The following STRBP variants were observed in gnomAD, a reference collection of about 807,000 sequenced individuals.
STRBP encodes spermatid perinuclear RNA binding protein, also known as spermatid perinuclear RNA-binding protein.
Under a neutral mutation model 80.1 loss-of-function variants are expected in STRBP, and 13 were observed. That is an observed-to-expected ratio of 0.16 (90% CI 0.11 to 0.26). The LOEUF is 0.26. STRBP is among the 10% of genes least tolerant of loss of function. STRBP has a pLI of 1.00. For synonymous variants in STRBP, 284 were observed against 291.2 expected (o/e 0.98, Z 0.25); for missense variants, 485 against 815.2 (o/e 0.59, Z 4.93).
At position 123,123,252 on chromosome 9, in the gene STRBP, T is replaced by G; in HGVS notation, c.*2345A>C. On this transcript the variant is annotated 3_prime_UTR_variant, in exon 19 of 19. Transcript: ENST00000348403. Reference sequence around the variant, plus strand: ...AAGAGCAGAGAAGCAAAACTTCATGTTAATCTCAGGCAATTTGGTGAAGCC... The same window carrying G: ...AAGAGCAGAGAAGCAAAACTTCATGGTAATCTCAGGCAATTTGGTGAAGCC... The G allele has an allele frequency of 1.0e-6, 1 of 985,436 alleles. No homozygotes were observed. Among genetic ancestry groups the G allele is most frequent in the Non-Finnish European group, 1.2e-6 (1 of 829,932 alleles). The allele number at this position is 985,436 out of a possible 1,614,324, so 61.0% of individuals were successfully genotyped here. A position where few individuals can be genotyped will look rare whatever the true frequency, so the allele number is the denominator to read the frequency against.
intron 1 of STRBP, among the ~76,000 whole-genome samples, chr9:123,246,484 T>C: frequency 6.6e-6 from 1 of 152,222 alleles, no homozygotes; most frequent in Non-Finnish European, 1.5e-5. Flanking sequence ...TAATGTAGTT[T>C]TTGGTTTTTA....
At chr9:123,145,325 C>A (rs1329188039) in intron 13 of STRBP, among the ~76,000 whole-genome samples, 1 of 152,146 alleles carries the variant, frequency 6.6e-6, no homozygotes, top group Non-Finnish European at 1.5e-5. Flanking sequence ...CAACCAAGTT[C>A]CATTATATCA....
In STRBP at chr9:123,147,873, A is replaced by T; in HGVS notation, c.1046-3T>A. On this transcript the variant is annotated splice_region_variant and splice_polypyrimidine_tract_variant and intron_variant, in intron 11 of 18. Transcript: ENST00000348403. ...CTTTAGAGCTGAAGACCCAGCACCT[A>T]AAAAAAATTATGAGGGATTCATTAT... 3 of 1,576,984 alleles carry T rather than the reference A, an allele frequency of 1.9e-6. No homozygotes were observed. Among genetic ancestry groups the T allele is most frequent in the Non-Finnish European group, 2.6e-6 (3 of 1,155,972 alleles).
At chr9:123,199,068 C>T (rs951993849) in intron 2 of STRBP, among the ~76,000 whole-genome samples, 2 of 152,184 alleles carry the variant, frequency 1.3e-5, no homozygotes, top group Non-Finnish European at 2.9e-5. Flanking sequence ...CCTCAGCCTC[C>T]CGAGTAGCTG....
In STRBP at chr9:123,173,850, T is replaced by G. The variant is rs1352744162; in HGVS notation, c.225-8A>C. ...GTCCGACCACCTTGATCCCTAAAAATAAAAGTCTGCATGATTACTTTCACA... is the reference window on the plus strand; with the variant it reads ...GTCCGACCACCTTGATCCCTAAAAAGAAAAGTCTGCATGATTACTTTCACA... On this transcript the variant is annotated splice_polypyrimidine_tract_variant and splice_region_variant and intron_variant, in intron 4 of 18. Transcript: ENST00000348403. 2 of 1,587,080 alleles carry G rather than the reference T, an allele frequency of 1.3e-6. No individual in the cohort carries two copies. Among genetic ancestry groups the G allele is most frequent in the Non-Finnish European group, 1.7e-6 (2 of 1,171,226 alleles).
At chr9:123,160,323 G>T in intron 8 of STRBP, 44 bp downstream of exon 8, 1 of 1,418,384 alleles carries the variant, frequency 7.1e-7, no homozygotes, top group Non-Finnish European at 9.6e-7. Context: ...GATTTTCTCT[G>T]CTACAGCTTC....
At chr9:123,143,312 G>A (rs867527493) in intron 13 of STRBP, among the ~76,000 whole-genome samples, 1 of 152,226 alleles carries the variant, frequency 6.6e-6, no homozygotes, top group Non-Finnish European at 1.5e-5. Flanking sequence ...ATAGAGAAGT[G>A]GAAGAGTGAA....
intron 3 of STRBP, among the ~76,000 whole-genome samples, chr9:123,182,788 G>C (rs1182751395): frequency 6.6e-6 from 1 of 151,956 alleles, no homozygotes; most frequent in Non-Finnish European, 1.5e-5. Context: ...GCAGCAGCAG[G>C]GTTCCTTGAG....
chr9:123,204,955 G>GA (rs746699581), intron 2 of STRBP, among the ~76,000 whole-genome samples: 1,551 of 132,264 alleles, frequency 0.012, 7 homozygotes, highest in Non-Finnish European at 0.016. Context: ...AGAAAGAAAG[G>GA]AAAAAAAAAA....
At position 123,125,591 on chromosome 9, in the gene STRBP, C is replaced by A; in HGVS notation, c.*6G>T. 1.9e-6 allele frequency: 3 copies of A among 1,611,908 alleles called. No homozygotes were observed. Among genetic ancestry groups the A allele is most frequent in the Non-Finnish European group, 2.5e-6 (3 of 1,179,246 alleles). On this transcript the variant is annotated 3_prime_UTR_variant, in exon 19 of 19. Transcript: ENST00000348403. The stretch of plus-strand genomic sequence containing the variant: ...TTGTTCAATAGGAATTAGCTTCTGT[C>A]ATTTGCTAAAAGAATGAGTAGTGGG...
At chr9:123,212,482 C>T (rs2039746256) in intron 2 of STRBP, 1 of 152,108 alleles carries the variant, frequency 6.6e-6, no homozygotes, top group Non-Finnish European at 1.5e-5. Context: ...ACTGACACCC[C>T]CAACGCCCCT....
At chr9:123,246,014 T>C (rs1162435350) in intron 1 of STRBP, among the ~76,000 whole-genome samples, 1 of 152,240 alleles carries the variant, frequency 6.6e-6, no homozygotes, top group Non-Finnish European at 1.5e-5. Flanking sequence ...AATTGAATGG[T>C]AGGTTCACCT....
intron 2 of STRBP, among the ~76,000 whole-genome samples, chr9:123,193,397 G>C (rs2038991283): frequency 6.6e-6 from 1 of 152,016 alleles, no homozygotes; most frequent in Admixed American, 6.6e-5. Flanking sequence ...GTGACTAACA[G>C]GGAATTTCTG....
rs1293616749 is a variant in STRBP, at chr9:123,248,262, T to G, written c.-301-11296A>C. ...ACAGACTTCTCCCACCCCTATCGTG[T>G]TTTTTTTTTTTTTTTTTTTTTTTGA... On this transcript the variant is annotated intron_variant, in intron 1 of 18. Transcript: ENST00000348403. 7.7e-5 allele frequency among the ~76,000 whole-genome samples: 7 copies of G among 90,920 alleles called. No individual in the cohort carries two copies. In the South Asian group the frequency reaches 1.7e-3, roughly 22 times the overall value. The allele number at this position is 90,920 out of a possible 152,430, so 59.6% of individuals were successfully genotyped here.
chr9:123,238,370 A>T (rs1026345214), intron 1 of STRBP, among the ~76,000 whole-genome samples: 2 of 152,246 alleles, frequency 1.3e-5, no homozygotes, highest in African/African-American at 4.8e-5. Context: ...GCTAACAAAG[A>T]TTCTCTACAA....
intron 1 of STRBP, among the ~76,000 whole-genome samples, chr9:123,268,051 C>G (rs1260624105): frequency 7.3e-5 from 11 of 151,540 alleles, no homozygotes; most frequent in Non-Finnish European, 1.5e-4. Flanking sequence ...GCTCCTGCCC[C>G]CAATGTCCTC....
chr9:123,116,608 GT>G (rs1196816669), intron 2 of STRBP, among the ~76,000 whole-genome samples: 1 of 152,172 alleles, frequency 6.6e-6, no homozygotes, highest in Non-Finnish European at 1.5e-5. Context: ...ATGTGGGTTG[GT>G]TTTTGCTTGG....
intron 2 of STRBP, among the ~76,000 whole-genome samples, chr9:123,208,202 G>C (rs1340557228): frequency 6.6e-6 from 1 of 151,666 alleles, no homozygotes; most frequent in African/African-American, 2.4e-5. Context: ...AGTATTCGAG[G>C]GTGCTGGCTA....
In STRBP at chr9:123,179,156, C is replaced by T. The variant is rs1014582044; in HGVS notation, c.75G>A (p.Pro25=). ...TATTCTGAACAGCTTCAAGTTCCTC[C>T]GGAGATGGATAGATTGTTGAATGTT... ...MVKHSTIYPS[P]EELEAVQNMV... The change falls in exon 4 of 19, where the codon CCG becomes CCA. Residue 25 remains proline, a synonymous_variant. Coordinates refer to ENST00000348403, the MANE Select transcript of STRBP (RefSeq NM_018387.5). 9 of 1,613,628 alleles carry T rather than the reference C, an allele frequency of 5.6e-6. No homozygotes were observed. The highest frequency in any genetic ancestry group is 3.3e-5 in the South Asian group (3 of 91,054).
Sources: gnomAD v4.1 joint callset for allele counts (sites outside exome capture counted in the v4.1 genomes callset) on GRCh38, gnomAD v4.1.1 for gene constraint, MANE v1.5 for transcripts, NCBI Gene and HGNC (gene_info 2026-07-23, HGNC 2026-07-21) for gene names.